The following SGCD variants were observed in gnomAD, a reference collection of about 807,000 sequenced individuals.
SGCD encodes the protein delta-sarcoglycan.
A neutral mutation model predicts 36.6 loss-of-function variants in SGCD; 18 were observed. The ratio of observed to expected loss-of-function variants is 0.49; its 90% CI spans 0.34 to 0.73. SGCD has a LOEUF of 0.73. Among genes scored for constraint, SGCD ranks in the 30% least tolerant of loss-of-function variants. SGCD has a pLI of 0.01. For synonymous variants in SGCD, 133 were observed against 130.6 expected (o/e 1.02, Z -0.12); for missense variants, 387 against 346.7 (o/e 1.12, Z -0.92).
At chr5:156,394,008 A>G (rs1018749930) in intron 3 of SGCD, 2 of 354,520 alleles carry the variant, frequency 5.6e-6, no homozygotes, top group African/African-American at 2.1e-5. Flanking sequence ...AATTACATCA[A>G]TTGTGATTTA....
At chr5:156,263,321 T>A (rs1399319492) in intron 3 of SGCD, among the ~76,000 whole-genome samples, 1 of 152,200 alleles carries the variant, frequency 6.6e-6, no homozygotes, top group Non-Finnish European at 1.5e-5. Flanking sequence ...TATCTCATTG[T>A]GGTTTTGATT....
chr5:155,827,118 T>C, the SGCD span, among the ~76,000 whole-genome samples: 1 of 152,196 alleles, frequency 6.6e-6, no homozygotes, highest in African/African-American at 2.4e-5. Flanking sequence ...TGAGGGATCT[T>C]CTGGGGACAT....
intron 7 of SGCD, among the ~76,000 whole-genome samples, chr5:156,649,739 A>T (rs374690834): frequency 6.6e-6 from 1 of 151,986 alleles, no homozygotes; most frequent in Non-Finnish European, 1.5e-5. Context: ...GAGGGATAGC[A>T]TTAGGAGATA....
chr5:155,769,692 G>A, the SGCD span, among the ~76,000 whole-genome samples: 1 of 152,162 alleles, frequency 6.6e-6, no homozygotes, highest in Non-Finnish European at 1.5e-5. Context: ...TAGCCTCAAA[G>A]TATCTTTCAT....
chr5:156,624,103 G>T (rs555587521), intron 6 of SGCD, among the ~76,000 whole-genome samples: 1 of 152,262 alleles, frequency 6.6e-6, no homozygotes, highest in South Asian at 2.1e-4. Context: ...GTACCAGAGA[G>T]ACTCACCTGG....
At chr5:155,774,324 A>G in the SGCD span, among the ~76,000 whole-genome samples, 1 of 152,142 alleles carries the variant, frequency 6.6e-6, no homozygotes, top group African/African-American at 2.4e-5. Context: ...TACTTTGGTA[A>G]CATTCTTTCC....
intron 3 of SGCD, chr5:156,393,808 G>T: frequency 2.2e-6 from 1 of 456,314 alleles, no homozygotes; most frequent in Non-Finnish European, 4.4e-6. Context: ...GGAATGAGCT[G>T]AGAGGAGCCA....
intron 1 of SGCD, among the ~76,000 whole-genome samples, chr5:155,913,740 A>T (rs7728169): frequency 0.069 from 10,414 of 151,246 alleles, 564 homozygotes; most frequent in African/African-American, 0.15. Context: ...GATTCTTTTT[A>T]AAAAAAAATA....
At chr5:156,388,909 G>T (rs1553535) in intron 3 of SGCD, among the ~76,000 whole-genome samples, 110,578 of 152,122 alleles carry the variant, frequency 0.73, 40,460 homozygotes, top group Middle Eastern at 0.88. Context: ...GTAAAATCAA[G>T]GTTATTTGTA....
At chr5:155,950,646 A>C (rs1188539518) in intron 1 of SGCD, among the ~76,000 whole-genome samples, 1 of 152,166 alleles carries the variant, frequency 6.6e-6, no homozygotes, top group Non-Finnish European at 1.5e-5. Flanking sequence ...AAATGTCTGT[A>C]CATCTCTCTT....
chr5:156,233,952 T>C (rs906178202), intron 3 of SGCD, among the ~76,000 whole-genome samples: 1 of 152,244 alleles, frequency 6.6e-6, no homozygotes, highest in African/African-American at 2.4e-5. Flanking sequence ...TCAAAAACTT[T>C]TTGTAAAAAA....
At chr5:156,048,429 A>G (rs1391714230) in intron 1 of SGCD, among the ~76,000 whole-genome samples, 1 of 152,216 alleles carries the variant, frequency 6.6e-6, no homozygotes, top group African/African-American at 2.4e-5. Context: ...ACTAGTTTAC[A>G]GTCCCACCAA....
At chr5:156,163,654 A>G (rs1250683824) in intron 3 of SGCD, among the ~76,000 whole-genome samples, 1 of 151,604 alleles carries the variant, frequency 6.6e-6, no homozygotes, top group Non-Finnish European at 1.5e-5. Flanking sequence ...ATGACCAGGC[A>G]TCACTCAACA....
At chr5:156,346,772 G>A (rs1292140977) in intron 3 of SGCD, among the ~76,000 whole-genome samples, 17 of 143,098 alleles carry the variant, frequency 1.2e-4, no homozygotes, top group Non-Finnish European at 1.5e-5. Context: ...CTCAACTTGG[G>A]CTTTACTTTA....
the SGCD span, among the ~76,000 whole-genome samples, chr5:155,792,933 CCA>C: frequency 6.6e-6 from 1 of 152,074 alleles, no homozygotes; most frequent in Non-Finnish European, 1.5e-5. Flanking sequence ...AATGGTTCTA[CCA>C]AAAAGACACA....
chr5:155,754,190 C>T, the SGCD span, among the ~76,000 whole-genome samples: 1 of 152,212 alleles, frequency 6.6e-6, no homozygotes, highest in African/African-American at 2.4e-5. Flanking sequence ...GAATGCTTTT[C>T]TAATCTTCTG....
At chr5:156,097,265 T>C (rs1761402512) in intron 1 of SGCD, among the ~76,000 whole-genome samples, 1 of 152,202 alleles carries the variant, frequency 6.6e-6, no homozygotes, top group Admixed American at 6.5e-5. Context: ...GCAAAGTTTT[T>C]AGCTAATATA....
chr5:156,123,803 G>A (rs1265711638), intron 2 of SGCD: 1 of 152,016 alleles, frequency 6.6e-6, no homozygotes, highest in Admixed American at 6.6e-5. Context: ...ATATCACTCT[G>A]TCTTGTTTTT....
intron 3 of SGCD, among the ~76,000 whole-genome samples, chr5:156,282,191 A>G (rs1279737351): frequency 1.3e-5 from 2 of 152,136 alleles, no homozygotes; most frequent in African/African-American, 4.8e-5. Flanking sequence ...TCAGACACCA[A>G]AGGGTTCTCC....
Sources: allele counts gnomAD v4.1 joint callset (sites outside exome capture counted in the v4.1 genomes callset), GRCh38; gene constraint gnomAD v4.1.1; transcripts MANE v1.5; gene names NCBI Gene and HGNC (gene_info 2026-07-23, HGNC 2026-07-21).